The following ELAVL1 variants were observed in gnomAD, a reference collection of about 807,000 sequenced individuals.
The protein encoded by ELAVL1 is ELAV-like protein 1.
A neutral mutation model predicts 28.4 loss-of-function variants in ELAVL1; 1 was observed. That is an observed-to-expected ratio of 0.04 (90% CI 0.01 to 0.17). The LOEUF (loss-of-function observed/expected upper bound fraction) is 0.17. ELAVL1 is among the 10% of genes least tolerant of loss of function. The pLI, the probability that ELAVL1 is intolerant of heterozygous loss-of-function variation, is 1.00. For missense variants in ELAVL1, 157 were observed against 447.2 expected (o/e 0.35, Z 5.85); for synonymous variants, 174 against 183.5 (o/e 0.95, Z 0.42).
At chr19:7,987,564 G>A (rs1985640338) in intron 2 of ELAVL1, among the ~76,000 whole-genome samples, 1 of 152,188 alleles carries the variant, frequency 6.6e-6, no homozygotes, top group African/African-American at 2.4e-5. Context: ...ACATGGGGCA[G>A]TCCCTTCCTC....
intron 4 of ELAVL1, among the ~76,000 whole-genome samples, chr19:7,969,648 C>T (rs935371940): frequency 6.6e-6 from 1 of 152,144 alleles, no homozygotes; most frequent in African/African-American, 2.4e-5. Context: ...AAATGAAAAT[C>T]GAACTTTAGG....
intron 1 of ELAVL1, among the ~76,000 whole-genome samples, chr19:7,994,648 C>T (rs750858709): frequency 6.6e-6 from 1 of 152,154 alleles, no homozygotes; most frequent in Non-Finnish European, 1.5e-5. Context: ...TAAAATCCAG[C>T]GCAAGATCAC....
chr19:7,992,641 AAACT>A (rs1367876463), intron 1 of ELAVL1, among the ~76,000 whole-genome samples: 1 of 152,180 alleles, frequency 6.6e-6, no homozygotes, highest in East Asian at 1.9e-4. Flanking sequence ...TAGGGCAGTG[AAACT>A]ATTTTGCATG....
At chr19:7,998,943 G>A (rs2081058158) in intron 1 of ELAVL1, among the ~76,000 whole-genome samples, 1 of 151,962 alleles carries the variant, frequency 6.6e-6, no homozygotes, top group Non-Finnish European at 1.5e-5. Context: ...ATACCTGGCT[G>A]ATTTTTAAAT....
At chr19:7,974,126 A>AC (rs1465780144) in intron 3 of ELAVL1, among the ~76,000 whole-genome samples, 42 of 151,926 alleles carry the variant, frequency 2.8e-4, no homozygotes, top group African/African-American at 8.9e-4. Context: ...GGCAGGCGTG[A>AC]CTCCTATGTC....
intron 3 of ELAVL1, 139 bp downstream of exon 3, chr19:7,980,944 G>A (rs1985445184): frequency 1.2e-6 from 1 of 820,416 alleles, no homozygotes; most frequent in East Asian, 2.6e-5. Flanking sequence ...AGATACACCT[G>A]ACCAGGGTAT....
At chr19:7,978,944 T>C (rs1219140525) in intron 3 of ELAVL1, among the ~76,000 whole-genome samples, 1 of 152,198 alleles carries the variant, frequency 6.6e-6, no homozygotes, top group Non-Finnish European at 1.5e-5. Context: ...CTTATCACAC[T>C]GCACAGATCA....
At chr19:8,000,716 A>G (rs917221352) in intron 1 of ELAVL1, among the ~76,000 whole-genome samples, 4 of 152,268 alleles carry the variant, frequency 2.6e-5, no homozygotes, top group Non-Finnish European at 4.4e-5. Flanking sequence ...TCTCAGGTGG[A>G]CATGGCACCA....
intron 5 of ELAVL1, among the ~76,000 whole-genome samples, chr19:7,964,600 C>G (rs1984904247): frequency 6.6e-6 from 1 of 151,962 alleles, no homozygotes; most frequent in Non-Finnish European, 1.5e-5. Context: ...TTTGAGAGGC[C>G]AAGGTGGGAG....
intron 1 of ELAVL1, among the ~76,000 whole-genome samples, 151 bp downstream of exon 1, chr19:8,005,344 G>C (rs1344156626): frequency 4.0e-5 from 6 of 148,258 alleles, no homozygotes; most frequent in African/African-American, 1.5e-4. Context: ...CCCGCCCGCC[G>C]CGGCCCCAGC....
At chr19:8,005,351 C>T (rs1206645461) in intron 1 of ELAVL1, 144 bp downstream of exon 1, 1 of 148,408 alleles carries the variant, frequency 6.7e-6, no homozygotes, top group South Asian at 2.1e-4. Flanking sequence ...GCCGCGGCCC[C>T]AGCGCGCGTC....
rs745798481 is a variant in ELAVL1 at position 7,963,849 on chromosome 19, G to C, written c.657-42C>G. 2 of 1,587,064 alleles carry C rather than the reference G, an allele frequency of 1.3e-6. No homozygotes were observed. Among genetic ancestry groups the C allele is most frequent in the Non-Finnish European group, 1.7e-6 (2 of 1,165,560 alleles). ...AAGCGTCAGGCCACGGTCAGCGCAG[G>C]CGGCCTGGGGATGGGGCAAGGCCTG... On this transcript the variant is annotated intron_variant, in intron 5 of 5. Coordinates refer to ENST00000407627, the MANE Select transcript of ELAVL1 (RefSeq NM_001419.3). This position sits in a 1 kb window ranked among gnomAD's most constrained non-coding sequence, Gnocchi z 4.5.
chr19:7,991,163 C>T (rs1409961616), intron 2 of ELAVL1, among the ~76,000 whole-genome samples: 1 of 152,212 alleles, frequency 6.6e-6, no homozygotes, highest in African/African-American at 2.4e-5. Flanking sequence ...GCAGCCCAAA[C>T]ATAACGAAGG....
At chr19:7,984,383 G>A (rs188340180) in intron 2 of ELAVL1, among the ~76,000 whole-genome samples, 24 of 152,320 alleles carry the variant, frequency 1.6e-4, no homozygotes, top group Admixed American at 1.1e-3. Flanking sequence ...AAACCTCTGC[G>A]TGGCTGACGT....
intron 4 of ELAVL1, among the ~76,000 whole-genome samples, chr19:7,971,522 G>A (rs368193248): frequency 6.6e-6 from 1 of 152,244 alleles, no homozygotes; most frequent in Non-Finnish European, 1.5e-5. Context: ...AGGATCATTC[G>A]CTCAGCTGGC....
At chr19:7,990,171 C>A (rs1368314200) in intron 2 of ELAVL1, among the ~76,000 whole-genome samples, 1 of 152,052 alleles carries the variant, frequency 6.6e-6, no homozygotes, top group Non-Finnish European at 1.5e-5. Context: ...TATAGGCGTG[C>A]GCCACCACGC....
intron 1 of ELAVL1, among the ~76,000 whole-genome samples, chr19:7,995,885 A>C (rs1242200870): frequency 6.6e-6 from 1 of 151,854 alleles, no homozygotes; most frequent in Non-Finnish European, 1.5e-5. Flanking sequence ...ACTGGAGTAA[A>C]CATTTGCAAA....
Position 7,981,906 on chromosome 19 carries a change from C to T in ELAVL1, c.173-720G>A, listed in dbSNP as rs368144918. Among the ~76,000 whole-genome samples, 26 of 152,120 alleles carry T rather than the reference C, an allele frequency of 1.7e-4. 1 individual carries two copies. In the East Asian group the frequency reaches 2.3e-3, roughly 14 times the overall value. On this transcript the variant is annotated intron_variant, in intron 2 of 5. Transcript: ENST00000407627. This position sits in a 1 kb window ranked among gnomAD's most constrained non-coding sequence, Gnocchi z 4.2. ...CACTTCCTTGTCCAGAGCAGGAGGG[C>T]CTGCTGGCACCACCCACCACCAGTT...
At chr19:7,966,375 C>T (rs745968006) in intron 5 of ELAVL1, among the ~76,000 whole-genome samples, 4 of 152,152 alleles carry the variant, frequency 2.6e-5, no homozygotes, top group Non-Finnish European at 4.4e-5. Context: ...TTCATCCTGG[C>T]AGCCAGAACC....
Sources: allele counts gnomAD v4.1 joint callset (sites outside exome capture counted in the v4.1 genomes callset), GRCh38; gene constraint gnomAD v4.1.1; non-coding constraint Gnocchi (gnomAD v3.1); transcripts MANE v1.5; gene names NCBI Gene and HGNC (gene_info 2026-07-23, HGNC 2026-07-21).